EVC: variants seen among roughly 807,000 people sequenced by gnomAD.
The protein encoded by EVC is EvC ciliary complex subunit 1, also known as evC complex member EVC.
A neutral mutation model predicts 118.9 loss-of-function variants in EVC; 116 were observed. The observed-to-expected ratio is 0.98, with a 90% CI of 0.84 to 1.14. EVC has a LOEUF of 1.14. Ranked by LOEUF, EVC falls within the 50% of genes most tolerant of loss-of-function variation. EVC has a pLI of 0.00. For missense variants in EVC, 1,401 were observed against 1,246.4 expected (o/e 1.12, Z -1.87); for synonymous variants, 619 against 534.7 (o/e 1.16, Z -2.18).
In EVC at chr4:5,753,194, T is replaced by G. The variant is rs571867543; in HGVS notation, c.1315+142T>G. ...GCCTTTCTGCTTCTGCCCTAGGGAC[T>G]GGGTCACTGGGCTGCTCTCTGGGGC... On this transcript the variant is annotated intron_variant, in intron 9 of 20. Coordinates refer to ENST00000264956, the MANE Select transcript of EVC (RefSeq NM_153717.3). 26 of 802,196 alleles carry G rather than the reference T, an allele frequency of 3.2e-5. 1 individual carries two copies. In the South Asian group the frequency reaches 3.9e-4, roughly 12 times the overall value. The allele number at this position is 802,196 out of a possible 1,614,324, so 49.7% of individuals were successfully genotyped here.
chr4:5,741,432 C>G (rs1220466319), intron 5 of EVC, among the ~76,000 whole-genome samples: 1 of 152,168 alleles, frequency 6.6e-6, no homozygotes, highest in East Asian at 1.9e-4. Context: ...TGTGGAGGGC[C>G]TTGCACAGAG....
rs73200150 is a variant in EVC at position 5,738,950 on chromosome 4, G to A, written c.703-2766G>A. 4.6e-5 allele frequency among the ~76,000 whole-genome samples: 7 copies of A among 152,002 alleles called. No homozygotes were observed. Among genetic ancestry groups the A allele is most frequent in the African/African-American group, 1.7e-4 (7 of 41,396 alleles). On this transcript the variant is annotated intron_variant, in intron 5 of 20. Coordinates refer to ENST00000264956, the MANE Select transcript of EVC (RefSeq NM_153717.3). The surrounding 1 kb of genome is among the most constrained non-coding windows in gnomAD (Gnocchi z 6.5). ...GAAGTTATTTTTAAAATTAAGGTAT[G>A]TACTTTTTTAGACATACTGCTATTG...
At chr4:5,720,257 G>C (rs1724720085) in intron 2 of EVC, among the ~76,000 whole-genome samples, 1 of 152,148 alleles carries the variant, frequency 6.6e-6, no homozygotes, top group South Asian at 2.1e-4. Flanking sequence ...CCTCTCACCT[G>C]TGAGTGATGC....
chr4:5,727,131 C>G (rs1170051986), intron 2 of EVC, among the ~76,000 whole-genome samples: 3 of 151,936 alleles, frequency 2.0e-5, no homozygotes, highest in Admixed American at 2.0e-4. Context: ...GTTCTAGATC[C>G]CTGAGGAATC....
chr4:5,731,719 C>A lies in EVC; in HGVS notation c.617+62C>A. On this transcript the variant is annotated intron_variant, in intron 4 of 20. Transcript: ENST00000264956. The surrounding 1 kb of genome is among the most constrained non-coding windows in gnomAD (Gnocchi z 5.6). Reference sequence around the variant, plus strand: ...TCCTCTTGGAGTGGGCCGGGAGTCACATCATTGTCAGAGGAGGAAACAGAG... The same window carrying A: ...TCCTCTTGGAGTGGGCCGGGAGTCAAATCATTGTCAGAGGAGGAAACAGAG... 1 of 1,471,130 alleles carries A rather than the reference C, an allele frequency of 6.8e-7. No homozygotes were observed. The highest frequency in any genetic ancestry group is 9.4e-7 in the Non-Finnish European group (1 of 1,068,006). 91.1% of individuals were successfully genotyped at this position (1,471,130 alleles called of 1,614,324 possible). A position where few individuals can be genotyped will look rare whatever the true frequency, so the allele number is the denominator to read the frequency against.
Position 5,801,980 on chromosome 4 carries a change from G to A in EVC, c.2335G>A (p.Val779Ile), listed in dbSNP as rs376396220. ...RTLMEAAVES[V>I]YVTSAGVSRL... ...ACTGATGGAGGCGGCAGTGGAGAGC[G>A]TCTACGTGACCAGCGCTGGTGTCAG... The change falls in exon 16 of 21, where the codon GTC becomes ATC. Residue 779 changes from valine to isoleucine, a missense_variant. Val to Ile is a conservative substitution (Grantham distance 29). Transcript: ENST00000264956. 94 of 1,613,970 alleles carry A rather than the reference G, an allele frequency of 5.8e-5. No individual in the cohort carries two copies. In the African/African-American group the frequency reaches 8.0e-4, roughly 14 times the overall value.
Position 5,811,276 on chromosome 4 carries a change from T to C in EVC, c.*239T>C, listed in dbSNP as rs1281466211. 1.0e-5 allele frequency: 5 copies of C among 498,950 alleles called. No homozygotes were observed. In the Admixed American group the frequency reaches 1.3e-4, roughly 13 times the overall value. 30.9% of individuals were successfully genotyped at this position (498,950 alleles called of 1,614,324 possible). ...TCTGTGAGTTTGCATTTCATTTGGCTTGGAGCCCTGGCTCGATGCCTCATG... is the reference window on the plus strand; with the variant it reads ...TCTGTGAGTTTGCATTTCATTTGGCCTGGAGCCCTGGCTCGATGCCTCATG... On this transcript the variant is annotated 3_prime_UTR_variant, in exon 21 of 21. Coordinates refer to ENST00000264956, the MANE Select transcript of EVC (RefSeq NM_153717.3).
chr4:5,771,869 G>A (rs1035528088), intron 11 of EVC, among the ~76,000 whole-genome samples: 10 of 151,162 alleles, frequency 6.6e-5, no homozygotes, highest in South Asian at 2.1e-4. Context: ...ACCAGCTAAC[G>A]GAATGTGGCT....
chr4:5,753,152 G>C, intron 9 of EVC, 100 bp downstream of exon 9: 2 of 1,162,932 alleles, frequency 1.7e-6, no homozygotes, highest in Non-Finnish European at 2.5e-6. Flanking sequence ...GTGTGCCCAT[G>C]ATGCCGGGCA....
chr4:5,719,413 G>C lies in EVC; in HGVS notation c.300+40G>C, dbSNP rs377007076. On this transcript the variant is annotated intron_variant, in intron 2 of 20. Coordinates refer to ENST00000264956, the MANE Select transcript of EVC (RefSeq NM_153717.3). This position sits in a 1 kb window ranked among gnomAD's most constrained non-coding sequence, Gnocchi z 4.7. Reference sequence around the variant, plus strand: ...GATGTTTGTTTGTGGAGGCACATGTGGGAGGTGGGGTATTCCCCCTGGAAG... The same window carrying C: ...GATGTTTGTTTGTGGAGGCACATGTCGGAGGTGGGGTATTCCCCCTGGAAG... The C allele has an allele frequency of 1.7e-5, 27 of 1,613,404 alleles. No homozygotes were observed. The highest frequency in any genetic ancestry group is 2.3e-5 in the Non-Finnish European group (27 of 1,179,902).
chr4:5,799,125 G>A (rs760439860), intron 15 of EVC, among the ~76,000 whole-genome samples: 4 of 152,068 alleles, frequency 2.6e-5, no homozygotes, highest in African/African-American at 9.7e-5. Context: ...AACCGGGATC[G>A]GAACCCAAAT....
intron 11 of EVC, among the ~76,000 whole-genome samples, chr4:5,757,920 C>A (rs1731426289): frequency 6.6e-6 from 1 of 152,106 alleles, no homozygotes; most frequent in Non-Finnish European, 1.5e-5. Flanking sequence ...ACAATTTAGT[C>A]CAAACAGTGT....
rs1318231575 is a variant in EVC at position 5,793,667 on chromosome 4, C to T, written c.1836C>T (p.His612=). The T allele has an allele frequency of 9.7e-6, 15 of 1,552,886 alleles. No homozygotes were observed. Among genetic ancestry groups the T allele is most frequent in the African/African-American group, 4.1e-5 (3 of 73,292 alleles). Residue 612 remains histidine, a synonymous_variant, in exon 13 of 21, where the codon CAC becomes CAT. Transcript: ENST00000264956. Reference sequence around the variant, plus strand: ...TGCAGACACACCTGCGGGAGGACCACGAGGGCACCATCCGCGGCGTCTTGG... The same window carrying T: ...TGCAGACACACCTGCGGGAGGACCATGAGGGCACCATCCGCGGCGTCTTGG... ...SVLQTHLRED[H]EGTIRGVLGR...
At chr4:5,796,638 C>G (rs1352819113) in intron 13 of EVC, among the ~76,000 whole-genome samples, 1 of 151,962 alleles carries the variant, frequency 6.6e-6, no homozygotes, top group Non-Finnish European at 1.5e-5. Context: ...GTTATACAAC[C>G]AAATGTTGAA....
At chr4:5,828,429 C>A in the EVC span, 1 of 1,580,310 alleles carries the variant, frequency 6.3e-7, no homozygotes, top group South Asian at 1.2e-5. Context: ...CTCGATTCCC[C>A]AAGAGACGCT....
intron 12 of EVC, among the ~76,000 whole-genome samples, chr4:5,787,240 G>A (rs915309517): frequency 3.3e-5 from 5 of 152,200 alleles, no homozygotes; most frequent in African/African-American, 1.2e-4. Flanking sequence ...CAGCTATAAT[G>A]GCCCCCCAGA....
At chr4:5,718,164 C>G (rs1324089502) in intron 1 of EVC, among the ~76,000 whole-genome samples, 5 of 152,294 alleles carry the variant, frequency 3.3e-5, no homozygotes, top group Non-Finnish European at 5.9e-5. Flanking sequence ...TCTGTAAACT[C>G]ACTGAGAACA....
rs11737221 is a variant in EVC, at chr4:5,793,685, C to T, written c.1854C>T (p.Gly618=). The T allele has an allele frequency of 0.33, 506,963 of 1,550,636 alleles. 87,731 individuals are homozygous for T. Among genetic ancestry groups the T allele is most frequent in the South Asian group, 0.52 (43,794 of 84,018 alleles). ...LREDHEGTIR[G]VLGRLGGLTE... is the part of the protein sequence containing the mutation. ...AGGACCACGAGGGCACCATCCGCGGCGTCTTGGGCCGACTGGGCGGCCTCA... is the reference window on the plus strand; with the variant it reads ...AGGACCACGAGGGCACCATCCGCGGTGTCTTGGGCCGACTGGGCGGCCTCA... Residue 618 remains glycine, a synonymous_variant, in exon 13 of 21, where the codon GGC becomes GGT. Coordinates refer to ENST00000264956, the MANE Select transcript of EVC (RefSeq NM_153717.3).
intron 13 of EVC, 75 bp from the exon 14 acceptor site, chr4:5,796,947 G>A: frequency 8.9e-7 from 1 of 1,117,758 alleles, no homozygotes; most frequent in Non-Finnish European, 1.4e-6. Context: ...GTGGGCTGTG[G>A]CTGTTTGGGG....
Sources: allele counts gnomAD v4.1 joint callset (sites outside exome capture counted in the v4.1 genomes callset), GRCh38; gene constraint gnomAD v4.1.1; non-coding constraint Gnocchi (gnomAD v3.1); transcripts MANE v1.5; gene names NCBI Gene and HGNC (gene_info 2026-07-23, HGNC 2026-07-21).